Variants in BCL11A observed in about 807,000 individuals in gnomAD.
The protein encoded by BCL11A is B cell CLL/lymphoma 11A.
BCL11A carries 2 observed loss-of-function variants against 55.9 expected under a neutral mutation model. The ratio of observed to expected loss-of-function variants is 0.04; its 90% CI spans 0.01 to 0.11. BCL11A has a LOEUF of 0.11. BCL11A is among the 10% of genes least tolerant of loss of function. The probability of loss-of-function intolerance (pLI) is 1.00; values close to 1 mark genes in which losing one functional copy is unlikely to be tolerated. For missense variants in BCL11A, 817 were observed against 1,137.1 expected, an observed-to-expected ratio of 0.72 and a Z score of 4.05; for synonymous variants, 465 against 473.4, an observed-to-expected ratio of 0.98 and a Z score of 0.23.
chr2:60,498,499 A>ACCAGGAAGGCC (rs1288365274), intron 2 of BCL11A, among the ~76,000 whole-genome samples: 3 of 152,216 alleles, frequency 2.0e-5, no homozygotes, highest in Non-Finnish European at 4.4e-5. Context: ...TCATCCTGGT[A>ACCAGGAAGGCC]CCAGGAAGGC....
At chr2:60,473,898 C>T (rs1677365070) in intron 2 of BCL11A, among the ~76,000 whole-genome samples, 1 of 152,000 alleles carries the variant, frequency 6.6e-6, no homozygotes, top group African/African-American at 2.4e-5. Flanking sequence ...TCCTTCATTG[C>T]TTTTTTACTG....
chr2:60,503,902 C>T (rs552045009), intron 2 of BCL11A, among the ~76,000 whole-genome samples: 106 of 152,106 alleles, frequency 7.0e-4, no homozygotes, highest in Non-Finnish European at 1.3e-3. Context: ...TGGTTATTGG[C>T]TGCTTCGTTG....
intron 2 of BCL11A, chr2:60,543,893 G>C (rs1243949699): frequency 6.6e-6 from 1 of 152,080 alleles, no homozygotes; most frequent in Non-Finnish European, 1.5e-5. Context: ...ATTTGCTTTT[G>C]GTTTTGGCTT....
Position 60,512,226 on chromosome 2 carries a change from T to C in BCL11A, c.385+33745A>G, listed in dbSNP as rs558489613. Among the ~76,000 whole-genome samples the C allele has an allele frequency of 2.0e-5, 3 of 152,294 alleles. No homozygotes were observed. The South Asian group carries it at 6.2e-4, about 32-fold the overall frequency. On this transcript the variant is annotated intron_variant, in intron 2 of 3. Transcript: ENST00000642384. ...CTCAGATGTTTTAAAGGAAGCCACC[T>C]AGAGCCCCACCTGTCACTGTGGAAC...
chr2:60,492,262 G>A (rs1353336929), intron 2 of BCL11A, among the ~76,000 whole-genome samples: 5 of 152,178 alleles, frequency 3.3e-5, no homozygotes, highest in Non-Finnish European at 7.3e-5. Flanking sequence ...AGCTACTCAG[G>A]AGGCTGAGGT....
At chr2:60,495,809 C>T (rs1251084739) in intron 2 of BCL11A, 1 of 152,196 alleles carries the variant, frequency 6.6e-6, no homozygotes, top group Non-Finnish European at 1.5e-5. Flanking sequence ...ACAGGCAATT[C>T]AATACCCCTT....
intron 2 of BCL11A, among the ~76,000 whole-genome samples, chr2:60,469,047 AGTG>A (rs1677049825): frequency 6.6e-6 from 1 of 152,236 alleles, no homozygotes; most frequent in Non-Finnish European, 1.5e-5. Flanking sequence ...TTTTGACAAA[AGTG>A]AAAGGGTTTG....
chr2:60,473,874 A>G (rs954764146), intron 2 of BCL11A, among the ~76,000 whole-genome samples: 1 of 152,176 alleles, frequency 6.6e-6, no homozygotes, highest in African/African-American at 2.4e-5. Context: ...GAGCATTTAC[A>G]TGTGCATTTT....
intron 2 of BCL11A, among the ~76,000 whole-genome samples, chr2:60,523,040 T>C (rs983439572): frequency 2.0e-5 from 3 of 152,250 alleles, no homozygotes; most frequent in Admixed American, 2.0e-4. Flanking sequence ...GTTTTCTCTG[T>C]AGACTCTGTG....
At chr2:60,540,846 A>T (rs1363750629) in intron 2 of BCL11A, among the ~76,000 whole-genome samples, 1 of 152,174 alleles carries the variant, frequency 6.6e-6, no homozygotes, top group Non-Finnish European at 1.5e-5. Context: ...ACATTCACTA[A>T]GAGAAAGGTG....
chr2:60,490,939 A>AT (rs1177042342), intron 2 of BCL11A, among the ~76,000 whole-genome samples: 4 of 151,906 alleles, frequency 2.6e-5, no homozygotes, highest in African/African-American at 9.6e-5. Flanking sequence ...GAACTTTCAG[A>AT]TAAAAAAAAA....
chr2:60,541,062 C>T (rs559013921), intron 2 of BCL11A, among the ~76,000 whole-genome samples: 31 of 150,538 alleles, frequency 2.1e-4, no homozygotes, highest in African/African-American at 7.3e-4. Context: ...AAACTTTGTC[C>T]CCCTCTGCTC....
Position 60,461,516 on chromosome 2 carries a change from C to T in BCL11A, c.1396G>A (p.Val466Met), listed in dbSNP as rs1412786029. ...TTCTCGCTCTTGAACTTGGCCACCA[C>T]GGACTTGAGCGCGCTGCTGGCGCTG... ...VGSASSALKSVVAKFKSENDP... is the reference protein window; with the variant it reads ...VGSASSALKSMVAKFKSENDP... Residue 466 changes from valine to methionine, a missense_variant, in exon 4 of 4, where the codon GTG (valine) becomes ATG (methionine). Val to Met is a conservative substitution (Grantham distance 21). Transcript: ENST00000642384. 3.1e-6 allele frequency: 5 copies of T among 1,607,364 alleles called. No homozygotes were observed. The highest frequency in any genetic ancestry group is 1.7e-5 in the Admixed American group (1 of 60,008).
intron 1 of BCL11A, among the ~76,000 whole-genome samples, chr2:60,551,789 G>A (rs1388437496): frequency 6.6e-6 from 1 of 150,564 alleles, no homozygotes; most frequent in Non-Finnish European, 1.5e-5. Flanking sequence ...CCGGGCGCCG[G>A]GTGGGCGATC....
At chr2:60,532,938 T>C (rs2104648749) in intron 2 of BCL11A, 1 of 152,334 alleles carries the variant, frequency 6.6e-6, no homozygotes, top group Middle Eastern at 3.4e-3. Flanking sequence ...ATACTTTTTA[T>C]TTACTTCCTG....
chr2:60,550,989 G>A, intron 1 of BCL11A: 2 of 394,374 alleles, frequency 5.1e-6, no homozygotes, highest in Non-Finnish European at 8.9e-6. Context: ...GGAGAGGGAG[G>A]GCCGCGCAAC....
intron 2 of BCL11A, chr2:60,545,406 C>T (rs754306958): frequency 1.0e-4 from 16 of 154,642 alleles, no homozygotes; most frequent in East Asian, 3.8e-4. Context: ...CAGCCCCATC[C>T]GGGCTGACAG....
At chr2:60,538,610 A>G (rs1669772946) in intron 2 of BCL11A, 1 of 152,224 alleles carries the variant, frequency 6.6e-6, no homozygotes, top group African/African-American at 2.4e-5. Flanking sequence ...GGACTCAAAA[A>G]TATAATGGTG....
chr2:60,545,421 T>A (rs1670104034), intron 2 of BCL11A: 1 of 155,602 alleles, frequency 6.4e-6, no homozygotes, highest in Admixed American at 6.3e-5. Flanking sequence ...TGACAGCCAA[T>A]ATGGATCCAA....
Sources: gnomAD v4.1 joint callset for allele counts (sites outside exome capture counted in the v4.1 genomes callset) on GRCh38, gnomAD v4.1.1 for gene constraint, MANE v1.5 for transcripts, NCBI Gene and HGNC (gene_info 2026-07-23, HGNC 2026-07-21) for gene names.